The following ENTREP2 variants were observed in gnomAD, a reference collection of about 807,000 sequenced individuals.
The protein encoded by ENTREP2 is endosomal transmembrane epsin interactor 2, also known as protein ENTREP2.
the ENTREP2 span, among the ~76,000 whole-genome samples, chr15:29,365,619 T>A: frequency 6.6e-6 from 1 of 152,064 alleles, no homozygotes; most frequent in African/African-American, 2.4e-5. Context: ...AAGGTTGCGC[T>A]TTTTTTACCC....
the ENTREP2 span, among the ~76,000 whole-genome samples, chr15:29,131,217 G>A: frequency 6.6e-6 from 1 of 152,104 alleles, no homozygotes; most frequent in African/African-American, 2.4e-5. Context: ...GAAAATGTGA[G>A]TTAAAATTTT....
chr15:29,488,996 G>C, the ENTREP2 span, among the ~76,000 whole-genome samples: 1 of 152,184 alleles, frequency 6.6e-6, no homozygotes, highest in Admixed American at 6.5e-5. Flanking sequence ...TAATGAGTAT[G>C]GGATTTCCTC....
chr15:29,365,282 T>G, the ENTREP2 span, among the ~76,000 whole-genome samples: 1 of 151,420 alleles, frequency 6.6e-6, no homozygotes, highest in Non-Finnish European at 1.5e-5. Context: ...GGACAGAGTC[T>G]TGCTCTGTTG....
chr15:29,369,613 A>C, the ENTREP2 span, among the ~76,000 whole-genome samples: 2 of 146,472 alleles, frequency 1.4e-5, no homozygotes, highest in African/African-American at 5.5e-5. Flanking sequence ...ACACACACAC[A>C]CACCCAGGTG....
the ENTREP2 span, among the ~76,000 whole-genome samples, chr15:29,556,770 C>G: frequency 3.9e-3 from 564 of 144,526 alleles, 15 homozygotes; most frequent in African/African-American, 0.013. Flanking sequence ...GTGCCCCCCC[C>G]CCGCCCCACA....
At chr15:29,275,214 A>G in the ENTREP2 span, among the ~76,000 whole-genome samples, 1 of 152,258 alleles carries the variant, frequency 6.6e-6, no homozygotes, top group South Asian at 2.1e-4. Flanking sequence ...TGTTCACTGC[A>G]GCAAAACACA....
At chr15:29,149,757 C>T in the ENTREP2 span, among the ~76,000 whole-genome samples, 1 of 152,204 alleles carries the variant, frequency 6.6e-6, no homozygotes, top group Non-Finnish European at 1.5e-5. Context: ...ACCACCAGCT[C>T]TCTTTTGCCT....
chr15:29,126,720 C>T, the ENTREP2 span, among the ~76,000 whole-genome samples: 9 of 152,214 alleles, frequency 5.9e-5, no homozygotes, highest in African/African-American at 2.2e-4. Context: ...AGACCCTTCA[C>T]ACTACACAAG....
At chr15:29,153,268 C>T in the ENTREP2 span, among the ~76,000 whole-genome samples, 8 of 152,026 alleles carry the variant, frequency 5.3e-5, no homozygotes, top group African/African-American at 1.9e-4. Context: ...TCATGTTTCA[C>T]ATAGAGTCTT....
the ENTREP2 span, among the ~76,000 whole-genome samples, chr15:29,422,910 A>G: frequency 6.6e-6 from 1 of 152,212 alleles, no homozygotes; most frequent in Non-Finnish European, 1.5e-5. Context: ...TGTACCTAAG[A>G]AGGCTAGGGG....
the ENTREP2 span, among the ~76,000 whole-genome samples, chr15:29,455,544 G>A: frequency 3.9e-5 from 6 of 152,184 alleles, no homozygotes; most frequent in African/African-American, 1.4e-4. Context: ...TTATTTTTGT[G>A]TATGATATTA....
the ENTREP2 span, among the ~76,000 whole-genome samples, chr15:29,202,852 A>G: frequency 1.3e-5 from 2 of 152,174 alleles, no homozygotes; most frequent in Admixed American, 6.5e-5. Context: ...TCCATGGTGT[A>G]TATGTGCTAC....
At chr15:29,640,118 G>A in the ENTREP2 span, among the ~76,000 whole-genome samples, 3 of 152,022 alleles carry the variant, frequency 2.0e-5, no homozygotes, top group African/African-American at 7.2e-5. Context: ...CCTTTACCTA[G>A]GCTGACTGAC....
chr15:29,424,588 C>T, the ENTREP2 span, among the ~76,000 whole-genome samples: 5 of 152,150 alleles, frequency 3.3e-5, no homozygotes, highest in Non-Finnish European at 5.9e-5. Context: ...GCTGTCTTGA[C>T]CTGTAGTGAC....
chr15:29,136,092 C>A, the ENTREP2 span, among the ~76,000 whole-genome samples: 14 of 152,250 alleles, frequency 9.2e-5, no homozygotes, highest in African/African-American at 3.1e-4. Flanking sequence ...CACTGGGTTC[C>A]CCAGGCCCGG....
chr15:29,397,283 C>A, the ENTREP2 span, among the ~76,000 whole-genome samples: 2 of 152,086 alleles, frequency 1.3e-5, no homozygotes, highest in Non-Finnish European at 2.9e-5. Flanking sequence ...CCCAGCTACT[C>A]AGGAGGCTGA....
At chr15:29,513,062 C>G in the ENTREP2 span, among the ~76,000 whole-genome samples, 1 of 152,212 alleles carries the variant, frequency 6.6e-6, no homozygotes, top group African/African-American at 2.4e-5. Flanking sequence ...GATTTTCTCT[C>G]TAAATCCTTC....
At chr15:29,238,510 C>T in the ENTREP2 span, among the ~76,000 whole-genome samples, 2 of 152,028 alleles carry the variant, frequency 1.3e-5, no homozygotes, top group Admixed American at 1.3e-4. Flanking sequence ...TGGGACGTGC[C>T]TGTAGTCCCA....
the ENTREP2 span, chr15:29,128,924 CT>C: frequency 8.3e-7 from 1 of 1,211,400 alleles, no homozygotes; most frequent in African/African-American, 1.5e-5. Flanking sequence ...GCACAGCAGC[CT>C]CCAGTAGTGT....
Sources: allele counts gnomAD v4.1 joint callset (sites outside exome capture counted in the v4.1 genomes callset), GRCh38; gene constraint gnomAD v4.1.1; transcripts MANE v1.5; gene names NCBI Gene and HGNC (gene_info 2026-07-23, HGNC 2026-07-21).